TET1: variants seen among roughly 807,000 people sequenced by gnomAD.
TET1 encodes the protein methylcytosine dioxygenase TET1.
Under a neutral mutation model 148.7 loss-of-function variants are expected in TET1, and 13 were observed. The ratio of observed to expected loss-of-function variants is 0.09; its 90% CI spans 0.06 to 0.14. TET1 has a LOEUF of 0.14. Among genes scored for constraint, TET1 ranks in the 10% least tolerant of loss-of-function variants. The probability of loss-of-function intolerance (pLI) is 1.00; values close to 1 mark genes in which losing one functional copy is unlikely to be tolerated. For missense variants in TET1, 2,182 were observed against 2,553.8 expected (o/e 0.85, Z 3.14); for synonymous variants, 907 against 937.2 (o/e 0.97, Z 0.59).
chr10:68,681,976 A>AAACAAAAAAAAC (rs2055440382), intron 9 of TET1, among the ~76,000 whole-genome samples: 1 of 150,748 alleles, frequency 6.6e-6, no homozygotes, highest in African/African-American at 2.4e-5. Flanking sequence ...TCAAAAAAAA[A>AAACAAAAAAAAC]AACAAAAAAA....
Position 68,662,431 on chromosome 10 carries a change from G to A in TET1, c.4462-4614G>A, listed in dbSNP as rs145475095. ...ATTTGCATTGTAACTAGCAAAGTTG[G>A]ATGTCTTTACTTATTATTAATTTTT... On this transcript the variant is annotated intron_variant, in intron 6 of 11. Transcript: ENST00000373644. Among the ~76,000 whole-genome samples, 792 of 152,078 alleles carry A rather than the reference G, an allele frequency of 5.2e-3. 7 individuals carry two copies. The highest frequency in any genetic ancestry group is 0.018 in the African/African-American group (752 of 41,522).
intron 6 of TET1, among the ~76,000 whole-genome samples, chr10:68,663,218 G>C (rs1385386284): frequency 3.3e-5 from 5 of 152,160 alleles, no homozygotes. Context: ...CGCTAAATTT[G>C]AACAGACTGG....
At chr10:68,594,794 C>T (rs1415983666) in intron 2 of TET1, among the ~76,000 whole-genome samples, 4 of 152,046 alleles carry the variant, frequency 2.6e-5, no homozygotes, top group African/African-American at 9.7e-5. Flanking sequence ...GCCTGGCCAA[C>T]ATAGTGAAAC....
intron 6 of TET1, among the ~76,000 whole-genome samples, chr10:68,657,308 C>G (rs186970928): frequency 0.18 from 27,518 of 151,844 alleles, 3,079 homozygotes; most frequent in African/African-American, 0.31. Flanking sequence ...TCCCGAGTAG[C>G]TAGGACTACA....
At chr10:68,638,140 G>A (rs2133054699) in intron 3 of TET1, among the ~76,000 whole-genome samples, 1 of 152,226 alleles carries the variant, frequency 6.6e-6, no homozygotes, top group Non-Finnish European at 1.5e-5. Context: ...GGCACTGTAT[G>A]GTGGTTGGTT....
rs559897498 is a variant in TET1 at position 68,630,205 on chromosome 10, A to C, written c.1969-14493A>C. Among the ~76,000 whole-genome samples the C allele has an allele frequency of 3.3e-5, 5 of 152,276 alleles. No individual in the cohort carries two copies. In the South Asian group the frequency reaches 1.0e-3, roughly 32 times the overall value. On this transcript the variant is annotated intron_variant, in intron 3 of 11. Transcript: ENST00000373644. The stretch of plus-strand genomic sequence containing the variant: ...CTTGGTGGCTGAATTTGGGTCTTGA[A>C]CATAGGGGTATTTTGAGAGGAGCCT...
intron 6 of TET1, among the ~76,000 whole-genome samples, chr10:68,665,081 T>G (rs1325897811): frequency 6.6e-6 from 1 of 152,154 alleles, no homozygotes; most frequent in African/African-American, 2.4e-5. Flanking sequence ...CTTTTTTATC[T>G]TTTCAATTAG....
intron 3 of TET1, among the ~76,000 whole-genome samples, chr10:68,617,616 G>A (rs2054312337): frequency 6.6e-6 from 1 of 151,924 alleles, no homozygotes; most frequent in Admixed American, 6.6e-5. Flanking sequence ...CATGATCTCG[G>A]CTCACCACAA....
At chr10:68,629,843 T>A (rs1038425389) in intron 3 of TET1, among the ~76,000 whole-genome samples, 2 of 152,266 alleles carry the variant, frequency 1.3e-5, no homozygotes, top group African/African-American at 4.8e-5. Context: ...GCCAAAAGTA[T>A]ATTATTAATA....
Position 68,572,922 on chromosome 10 carries a change from G to T in TET1, c.584G>T (p.Arg195Ile). 1 of 1,614,164 alleles carries T rather than the reference G, an allele frequency of 6.2e-7. No homozygotes were observed. Among genetic ancestry groups the T allele is most frequent in the East Asian group, 2.2e-5 (1 of 44,882 alleles). The change falls in exon 2 of 12, where the codon AGA becomes ATA. Residue 195 changes from arginine to isoleucine, a missense_variant. Arg to Ile is a moderately conservative substitution (Grantham distance 97). Transcript: ENST00000373644. ...SQETTQFWSQ[R>I]VEDSKINIPT... ...GAGACAACTCAGTTTTGGTCCCAAA[G>T]AGTTGAGGATTCCAAGATCAATATC... is the stretch of plus-strand genomic sequence containing the variant.
At chr10:68,590,285 T>TTGTA (rs1202067010) in intron 2 of TET1, among the ~76,000 whole-genome samples, 1 of 151,740 alleles carries the variant, frequency 6.6e-6, no homozygotes, top group African/African-American at 2.4e-5. Context: ...GCTAGTGTTT[T>TTGTA]TGTTTGTTTG....
At chr10:68,612,828 G>A (rs1179103832) in intron 3 of TET1, among the ~76,000 whole-genome samples, 2 of 152,034 alleles carry the variant, frequency 1.3e-5, no homozygotes, top group African/African-American at 4.8e-5. Context: ...ATGTTGCCCA[G>A]GCTGGTCTTG....
intron 2 of TET1, among the ~76,000 whole-genome samples, chr10:68,599,162 G>A (rs183247872): frequency 2.0e-5 from 3 of 152,334 alleles, no homozygotes; most frequent in Admixed American, 2.0e-4. Context: ...CAGGCCTTCC[G>A]GCCCTCACTC....
intron 10 of TET1, 36 bp downstream of exon 10, chr10:68,683,009 C>T: frequency 1.2e-6 from 2 of 1,609,302 alleles, no homozygotes; most frequent in East Asian, 2.2e-5. Flanking sequence ...CTAAAAGCTC[C>T]ATCACTATAT....
At chr10:68,643,261 C>CAAAAAAAAAAAAAAAAAAAAAA (rs59820865) in intron 3 of TET1, among the ~76,000 whole-genome samples, 1 of 91,858 alleles carries the variant, frequency 1.1e-5, no homozygotes, top group African/African-American at 4.8e-5. Context: ...GACCCTGTCT[C>CAAAAAAAAAAAAAAAAAAAAAA]AAAAAAAAAA....
chr10:68,687,199 G>A (rs894808388), intron 11 of TET1, among the ~76,000 whole-genome samples: 5 of 126,946 alleles, frequency 3.9e-5, no homozygotes, highest in African/African-American at 1.2e-4. Context: ...CACCGCGCCC[G>A]GCCTACTTAT....
intron 4 of TET1, among the ~76,000 whole-genome samples, chr10:68,650,421 TC>T (rs2133108712): frequency 6.6e-6 from 1 of 151,894 alleles, no homozygotes; most frequent in African/African-American, 2.4e-5. Context: ...GGCGGGTGGG[TC>T]ACCTGAGGTC....
At position 68,571,382 on chromosome 10, in the gene TET1, C is replaced by T. The variant is rs531659186; in HGVS notation, c.-122-835C>T. Among the ~76,000 whole-genome samples, 290 of 152,138 alleles carry T rather than the reference C, an allele frequency of 1.9e-3. 1 individual carries two copies. The highest frequency in any genetic ancestry group is 6.6e-3 in the African/African-American group (274 of 41,462). ...GCAATGGCGCAATCTCGGCTCACCG[C>T]AATCTCCGCCTCCTGGGTTCAAGTG... On this transcript the variant is annotated intron_variant, in intron 1 of 11. Coordinates refer to ENST00000373644, the MANE Select transcript of TET1 (RefSeq NM_030625.3).
intron 11 of TET1, among the ~76,000 whole-genome samples, 170 bp from the exon 12 acceptor site, chr10:68,690,638 A>C (rs1224716258): frequency 6.6e-6 from 1 of 152,234 alleles, no homozygotes; most frequent in Non-Finnish European, 1.5e-5. Context: ...AAACTACATA[A>C]AATTTTTAAT....
Sources: allele counts gnomAD v4.1 joint callset (sites outside exome capture counted in the v4.1 genomes callset), GRCh38; gene constraint gnomAD v4.1.1; transcripts MANE v1.5; gene names NCBI Gene and HGNC (gene_info 2026-07-23, HGNC 2026-07-21).